The following EHBP1 variants were observed in gnomAD, a reference collection of about 807,000 sequenced individuals.
EHBP1 encodes EH domain binding protein 1.
In EHBP1, 55 loss-of-function variants were observed where a neutral mutation model predicts 144.0. The ratio of observed to expected loss-of-function variants is 0.38; its 90% CI spans 0.31 to 0.48. The LOEUF (loss-of-function observed/expected upper bound fraction) is 0.48, where lower values mean the gene tolerates loss of function less well. Among genes scored for constraint, EHBP1 ranks in the 20% least tolerant of loss-of-function variants. EHBP1 has a pLI of 0.98. For synonymous variants in EHBP1, 469 were observed against 472.7 expected (o/e 0.99, Z 0.10); for missense variants, 1,200 against 1,364.2 (o/e 0.88, Z 1.90).
rs183533003 is a variant in EHBP1 at position 62,681,558 on chromosome 2, C to T, written c.-296+7475C>T. 4.0e-5 allele frequency among the ~76,000 whole-genome samples: 6 copies of T among 151,856 alleles called. No individual in the cohort carries two copies. In the East Asian group the frequency reaches 1.2e-3, roughly 29 times the overall value. The stretch of plus-strand genomic sequence containing the variant: ...ATCTGAAGCCTGACAAATTTATTTG[C>T]AGAAAATCTGGCTTTGCCAGAAACA... On this transcript the variant is annotated intron_variant, in intron 1 of 22. Transcript: ENST00000405015.
In EHBP1 at chr2:62,951,540, G is replaced by C. The variant is rs560923019; in HGVS notation, c.2316+2378G>C. Among the ~76,000 whole-genome samples the C allele has an allele frequency of 1.2e-4, 17 of 142,874 alleles. 1 individual carries two copies. The South Asian group carries it at 2.4e-3, about 20-fold the overall frequency. The allele number at this position is 142,874 out of a possible 152,430, so 93.7% of individuals were successfully genotyped here. On this transcript the variant is annotated intron_variant, in intron 13 of 22. Transcript: ENST00000431489. ...TTTTTCTTTTTTTTTTTTTTGGGGG[G>C]GGGGGGTGGAGTCTTGCCCTGTCAC...
intron 18 of EHBP1, among the ~76,000 whole-genome samples, chr2:62,996,067 TGG>T (rs1173200552): frequency 6.6e-6 from 1 of 152,120 alleles, no homozygotes; most frequent in Non-Finnish European, 1.5e-5. Flanking sequence ...AGGAGCCAGC[TGG>T]AGGGAAAATT....
Position 63,016,772 on chromosome 2 carries a change from A to G in EHBP1, c.3103+20006A>G, listed in dbSNP as rs1010530290. On this transcript the variant is annotated intron_variant, in intron 19 of 22. Transcript: ENST00000431489. ...TTCAATATGCAGAAGGTAAAAAAGC[A>G]TATAAGAACATGTCAAACAATTGAT... is the stretch of plus-strand genomic sequence containing the variant. Among the ~76,000 whole-genome samples the G allele has an allele frequency of 3.9e-5, 6 of 152,276 alleles. No individual in the cohort carries two copies. In the East Asian group the frequency reaches 1.2e-3, roughly 29 times the overall value.
In EHBP1 at chr2:63,037,544, C is replaced by G. The variant is rs1167303141; in HGVS notation, c.3113C>G (p.Thr1038Arg). The part of the protein sequence containing the change: ...LRYLMDTGRN[T>R]EEEEAMMQEW... The stretch of plus-strand genomic sequence containing the variant: ...TCTTCCCGAATTATAGGAAGGAACA[C>G]AGAAGAAGAAGAAGCTATGATGCAG... Residue 1038 changes from threonine to arginine, a missense_variant, in exon 20 of 23, where the codon ACA becomes AGA. Transcript: ENST00000431489. The G allele has an allele frequency of 6.2e-7, 1 of 1,604,254 alleles. No homozygotes were observed. The highest frequency in any genetic ancestry group is 1.1e-5 in the South Asian group (1 of 89,104).
intron 10 of EHBP1, among the ~76,000 whole-genome samples, chr2:62,933,750 A>G (rs897184439): frequency 3.3e-5 from 5 of 152,196 alleles, no homozygotes; most frequent in African/African-American, 1.2e-4. Context: ...TCATGATTTT[A>G]TAGTAATCAG....
chr2:62,820,740 ATATATATATATATAT>A (rs1558730723), intron 5 of EHBP1, among the ~76,000 whole-genome samples: 75 of 33,478 alleles, frequency 2.2e-3, no homozygotes, highest in African/African-American at 8.3e-3. Flanking sequence ...TGTGTATAAT[ATATATATATATATAT>A]ATATATATAT....
rs2061916544 is a variant in EHBP1, at chr2:63,045,381, C to T, written c.3393-29C>T. ...TCCACGAAGAAAAATAATTTTGTTT[C>T]CTGTTTGTCCTGTTTGTCTGACATC... On this transcript the variant is annotated intron_variant, in intron 22 of 22. Coordinates refer to ENST00000431489, the MANE Select transcript of EHBP1 (RefSeq NM_001142616.3). The surrounding 1 kb of genome is among the most constrained non-coding windows in gnomAD (Gnocchi z 5.7). 2 of 1,603,136 alleles carry T rather than the reference C, an allele frequency of 1.2e-6. No homozygotes were observed. The highest frequency in any genetic ancestry group is 1.3e-5 in the African/African-American group (1 of 74,706).
intron 13 of EHBP1, among the ~76,000 whole-genome samples, chr2:62,953,709 T>G (rs948836718): frequency 5.3e-5 from 8 of 152,300 alleles, no homozygotes; most frequent in African/African-American, 1.9e-4. Flanking sequence ...ATTTTTTTCT[T>G]TTTAACTTGT....
intron 14 of EHBP1, among the ~76,000 whole-genome samples, chr2:62,977,332 T>A (rs1272397710): frequency 6.6e-6 from 1 of 152,118 alleles, no homozygotes; most frequent in African/African-American, 2.4e-5. Context: ...TGCCCTATGT[T>A]CAGGAAAACT....
chr2:62,695,701 G>A (rs767320939), intron 1 of EHBP1, among the ~76,000 whole-genome samples: 2 of 152,182 alleles, frequency 1.3e-5, no homozygotes, highest in Non-Finnish European at 2.9e-5. Context: ...AATTATACAC[G>A]TTTAATCCTT....
At chr2:63,022,432 A>G (rs954576884) in intron 19 of EHBP1, among the ~76,000 whole-genome samples, 5 of 152,074 alleles carry the variant, frequency 3.3e-5, no homozygotes, top group Non-Finnish European at 5.9e-5. Flanking sequence ...CTCTTGCCTC[A>G]GCCTCCCGAG....
intron 5 of EHBP1, among the ~76,000 whole-genome samples, chr2:62,782,828 T>G (rs1320372508): frequency 6.6e-6 from 1 of 152,178 alleles, no homozygotes; most frequent in Admixed American, 6.6e-5. Flanking sequence ...CCATATCTCA[T>G]GTCTTCACGT....
intron 2 of EHBP1, 63 bp downstream of exon 2, chr2:62,707,358 CTG>C: frequency 8.4e-7 from 1 of 1,194,900 alleles, no homozygotes; most frequent in Non-Finnish European, 1.3e-6. Flanking sequence ...GGCCTAAACT[CTG>C]GGTCTTCTGA....
chr2:62,929,279 A>G (rs781583065), intron 10 of EHBP1, among the ~76,000 whole-genome samples: 8 of 152,214 alleles, frequency 5.3e-5, no homozygotes, highest in Non-Finnish European at 1.0e-4. Context: ...CACTACAAGA[A>G]AACAAAACTG....
intron 7 of EHBP1, among the ~76,000 whole-genome samples, chr2:62,835,643 C>T (rs1237224460): frequency 1.3e-5 from 2 of 152,036 alleles, no homozygotes; most frequent in African/African-American, 4.8e-5. Flanking sequence ...GCGCACCGTG[C>T]GCGAGCCGAA....
rs1400776271 is a variant in EHBP1 at position 62,750,876 on chromosome 2, AT to A, written c.162+3428del. 9.2e-5 allele frequency among the ~76,000 whole-genome samples: 14 copies of A among 152,274 alleles called. No individual in the cohort carries two copies. The South Asian group carries it at 2.3e-3, about 25-fold the overall frequency. ...TGAAGTTGCTTATTAGCTTAAGGAG[AT>A]TTTGGGCTGAGACAAATGGGGTTTT... On this transcript the variant is annotated intron_variant, in intron 3 of 22. Coordinates refer to ENST00000431489, the MANE Select transcript of EHBP1 (RefSeq NM_001142616.3).
chr2:63,042,095 G>A (rs2061683593), intron 21 of EHBP1, among the ~76,000 whole-genome samples: 1 of 152,106 alleles, frequency 6.6e-6, no homozygotes, highest in Non-Finnish European at 1.5e-5. Flanking sequence ...AATCCTATTT[G>A]TTACAAGAGG....
intron 19 of EHBP1, among the ~76,000 whole-genome samples, chr2:63,031,273 C>G (rs2061236438): frequency 6.6e-6 from 1 of 152,092 alleles, no homozygotes; most frequent in Admixed American, 6.5e-5. Context: ...ACAAAAAGGC[C>G]TTCAGGAGAG....
chr2:62,791,925 G>A (rs2043188881), intron 5 of EHBP1, among the ~76,000 whole-genome samples: 1 of 151,790 alleles, frequency 6.6e-6, no homozygotes, highest in Admixed American at 6.6e-5. Flanking sequence ...TTCCATCCTG[G>A]CCAAAAAATA....
Sources: gnomAD v4.1 joint callset for allele counts (sites outside exome capture counted in the v4.1 genomes callset) on GRCh38, gnomAD v4.1.1 for gene constraint, Gnocchi (gnomAD v3.1) non-coding constraint, MANE v1.5 for transcripts, NCBI Gene and HGNC (gene_info 2026-07-23, HGNC 2026-07-21) for gene names.